The following WDPCP variants were observed in gnomAD, a reference collection of about 807,000 sequenced individuals.
WDPCP encodes WD repeat containing planar cell polarity effector.
WDPCP carries 71 observed loss-of-function variants against 93.1 expected under a neutral mutation model. The ratio of observed to expected loss-of-function variants is 0.76; its 90% CI spans 0.63 to 0.93. WDPCP has a LOEUF of 0.93. WDPCP is among the 40% of genes least tolerant of loss of function. The pLI, the probability that WDPCP is intolerant of heterozygous loss-of-function variation, is 0.00. For synonymous variants in WDPCP, 315 were observed against 315.0 expected (o/e 1.00, Z 0.00); for missense variants, 844 against 887.4 (o/e 0.95, Z 0.62).
intron 3 of WDPCP, chr2:63,594,518 G>C (rs757312912): frequency 6.2e-7 from 1 of 1,613,834 alleles, no homozygotes; most frequent in Non-Finnish European, 8.5e-7. Flanking sequence ...TGTGACTGGA[G>C]CAGCTGGTCA....
At chr2:63,329,095 A>T (rs1687786324) in intron 12 of WDPCP, among the ~76,000 whole-genome samples, 1 of 152,232 alleles carries the variant, frequency 6.6e-6, no homozygotes, top group Non-Finnish European at 1.5e-5. Context: ...TATGTAGTAC[A>T]GTATTTGTTA....
intron 6 of WDPCP, among the ~76,000 whole-genome samples, chr2:63,453,493 G>C (rs1032887398): frequency 1.3e-5 from 2 of 152,206 alleles, no homozygotes; most frequent in Admixed American, 1.3e-4. Context: ...TACACTGTTG[G>C]TGGGACTATA....
chr2:63,792,079 A>T (rs1266331612), intron 2 of WDPCP, among the ~76,000 whole-genome samples: 1 of 152,198 alleles, frequency 6.6e-6, no homozygotes, highest in Non-Finnish European at 1.5e-5. Context: ...CATGAAAAAG[A>T]ATCAGTAAAT....
intron 3 of WDPCP, chr2:63,643,397 G>T: frequency 3.0e-6 from 1 of 334,830 alleles, no homozygotes; most frequent in South Asian, 2.9e-5. Flanking sequence ...TTGGAAAGGT[G>T]GGTGACAAAT....
intron 1 of WDPCP, among the ~76,000 whole-genome samples, chr2:63,536,823 T>C (rs780099661): frequency 2.7e-4 from 34 of 126,676 alleles, no homozygotes; most frequent in South Asian, 1.9e-3. Context: ...TGGAGTGCAG[T>C]GGCGCGATCT....
intron 1 of WDPCP, among the ~76,000 whole-genome samples, chr2:63,501,850 A>T (rs1701575885): frequency 1.3e-5 from 2 of 152,196 alleles, no homozygotes; most frequent in African/African-American, 4.8e-5. Flanking sequence ...TCCTGACCTC[A>T]GGTAATCCAC....
At chr2:63,314,343 A>AT (rs930058824) in intron 12 of WDPCP, among the ~76,000 whole-genome samples, 4 of 151,630 alleles carry the variant, frequency 2.6e-5, no homozygotes, top group African/African-American at 4.8e-5. Flanking sequence ...AATTTTTTGT[A>AT]TTTTTTGTAG....
At chr2:63,552,901 T>C (rs1161535425) in intron 1 of WDPCP, among the ~76,000 whole-genome samples, 2 of 152,162 alleles carry the variant, frequency 1.3e-5, no homozygotes, top group Non-Finnish European at 2.9e-5. Context: ...CAGCGTAAAA[T>C]AAATACAAGT....
At chr2:63,223,401 T>G (rs1478127333) in intron 14 of WDPCP, among the ~76,000 whole-genome samples, 1 of 152,142 alleles carries the variant, frequency 6.6e-6, no homozygotes, top group Admixed American at 6.6e-5. Context: ...GTTGTGAAAA[T>G]CTGATTGGCA....
At chr2:63,255,680 G>T (rs963515777) in intron 14 of WDPCP, among the ~76,000 whole-genome samples, 2 of 152,086 alleles carry the variant, frequency 1.3e-5, no homozygotes, top group Non-Finnish European at 2.9e-5. Context: ...ATAGCCTGAA[G>T]AACCTTGAAC....
chr2:63,801,631 T>C (rs1007744054), intron 2 of WDPCP, among the ~76,000 whole-genome samples: 1 of 152,222 alleles, frequency 6.6e-6, no homozygotes, highest in East Asian at 1.9e-4. Context: ...TCCTGCTGAT[T>C]GGTGCATTTT....
intron 14 of WDPCP, among the ~76,000 whole-genome samples, chr2:63,253,034 C>G (rs1680867909): frequency 6.6e-6 from 1 of 152,086 alleles, no homozygotes; most frequent in Non-Finnish European, 1.5e-5. Flanking sequence ...TCTGCAGTAA[C>G]CAAAACAACA....
intron 6 of WDPCP, among the ~76,000 whole-genome samples, chr2:63,471,492 G>A (rs1351304812): frequency 6.6e-6 from 1 of 152,186 alleles, no homozygotes; most frequent in Admixed American, 6.5e-5. Context: ...GAACATCAAA[G>A]TCAGTTCATA....
At chr2:63,378,915 G>A (rs772487493) in intron 11 of WDPCP, among the ~76,000 whole-genome samples, 13 of 152,090 alleles carry the variant, frequency 8.5e-5, no homozygotes, top group African/African-American at 2.7e-4. Flanking sequence ...AACTGAAATC[G>A]ATATAGCAGA....
At chr2:63,769,292 A>C (rs1670191019) in intron 2 of WDPCP, among the ~76,000 whole-genome samples, 1 of 151,990 alleles carries the variant, frequency 6.6e-6, no homozygotes, top group Admixed American at 6.6e-5. Context: ...TGAGAAAAAG[A>C]AGCTCAGAAC....
chr2:63,592,329 AC>A (rs1709215989), upstream of WDPCP, among the ~76,000 whole-genome samples: 1 of 152,188 alleles, frequency 6.6e-6, no homozygotes, highest in African/African-American at 2.4e-5. Context: ...TGAATAAAAT[AC>A]CTTTTGTTTT....
At chr2:63,514,434 A>G (rs1030379057) in intron 1 of WDPCP, among the ~76,000 whole-genome samples, 1 of 152,120 alleles carries the variant, frequency 6.6e-6, no homozygotes, top group Non-Finnish European at 1.5e-5. Context: ...GTTTAACTAC[A>G]TGGGTTGCAC....
chr2:63,222,521 G>C (rs1428935595), intron 14 of WDPCP, among the ~76,000 whole-genome samples: 1 of 152,300 alleles, frequency 6.6e-6, no homozygotes, highest in Non-Finnish European at 1.5e-5. Context: ...TAACTCCTCT[G>C]TCTCCTCATC....
At chr2:63,389,588 A>G (rs1487004338) in intron 10 of WDPCP, among the ~76,000 whole-genome samples, 2 of 152,206 alleles carry the variant, frequency 1.3e-5, no homozygotes, top group Non-Finnish European at 2.9e-5. Context: ...CCCAATTAAA[A>G]GACACAAACA....
Sources: allele counts gnomAD v4.1 joint callset (sites outside exome capture counted in the v4.1 genomes callset), GRCh38; gene constraint gnomAD v4.1.1; transcripts MANE v1.5; gene names NCBI Gene and HGNC (gene_info 2026-07-23, HGNC 2026-07-21).